Variants in FAR1 observed in about 807,000 individuals in gnomAD.
FAR1 encodes the protein fatty acyl-CoA reductase 1, also known as male sterility domain-containing protein 2.
Under a neutral mutation model 61.1 loss-of-function variants are expected in FAR1, and 22 were observed. The ratio of observed to expected loss-of-function variants is 0.36; its 90% CI spans 0.26 to 0.51. The LOEUF is 0.51. Ranked by LOEUF, FAR1 falls within the 20% of genes least tolerant of loss-of-function variation. The pLI, the probability that FAR1 is intolerant of heterozygous loss-of-function variation, is 0.95. For missense variants in FAR1, 359 were observed against 626.9 expected (o/e 0.57, Z 4.56); for synonymous variants, 206 against 209.7 (o/e 0.98, Z 0.15).
chr11:13,684,670 A>G (rs1175838967), intron 1 of FAR1, among the ~76,000 whole-genome samples: 2 of 152,216 alleles, frequency 1.3e-5, no homozygotes, highest in Non-Finnish European at 1.5e-5. Flanking sequence ...GCTTGTTTCT[A>G]TAAAGGGCCT....
intron 4 of FAR1, among the ~76,000 whole-genome samples, chr11:13,709,634 G>A (rs747805949): frequency 2.6e-5 from 4 of 151,768 alleles, no homozygotes; most frequent in African/African-American, 9.7e-5. Flanking sequence ...TTTTCCTCAT[G>A]TATCAACTAT....
intron 1 of FAR1, among the ~76,000 whole-genome samples, chr11:13,689,706 G>C (rs1161227860): frequency 6.6e-6 from 1 of 152,014 alleles, no homozygotes; most frequent in Non-Finnish European, 1.5e-5. Context: ...TTAGTGGGTA[G>C]TACCATCTCC....
intron 1 of FAR1, among the ~76,000 whole-genome samples, chr11:13,681,939 A>G (rs1468790063): frequency 6.6e-6 from 1 of 152,126 alleles, no homozygotes; most frequent in Non-Finnish European, 1.5e-5. Flanking sequence ...GTAGTGGGCA[A>G]GAGTTTCTCT....
intron 1 of FAR1, among the ~76,000 whole-genome samples, chr11:13,687,955 G>T (rs548249847): frequency 5.5e-5 from 7 of 127,538 alleles, no homozygotes; most frequent in Non-Finnish European, 1.1e-4. Context: ...GTTGTGGGGT[G>T]GGGGGAGGGG....
At position 13,727,900 on chromosome 11, in the gene FAR1, C is replaced by A. The variant is rs142292124; in HGVS notation, c.1385+217C>A. Among the ~76,000 whole-genome samples the A allele has an allele frequency of 6.5e-3, 988 of 151,880 alleles. 9 individuals carry two copies. The highest frequency in any genetic ancestry group is 0.022 in the African/African-American group (915 of 41,490). On this transcript the variant is annotated intron_variant, in intron 11 of 11. Transcript: ENST00000354817. The stretch of plus-strand genomic sequence containing the variant: ...CCCTCTCATGCCTCATAACTCTGTG[C>A]GACTTTGCAGGGCAGCCAGTTCTAT...
At chr11:13,704,616 G>T (rs1472620912) in intron 3 of FAR1, among the ~76,000 whole-genome samples, 1 of 152,092 alleles carries the variant, frequency 6.6e-6, no homozygotes, top group Non-Finnish European at 1.5e-5. Flanking sequence ...TGCCCCTTTA[G>T]AACCATTGCT....
intron 8 of FAR1, 104 bp from the exon 9 acceptor site, chr11:13,714,405 A>G: frequency 8.6e-7 from 1 of 1,160,118 alleles, no homozygotes; most frequent in Non-Finnish European, 1.2e-6. Flanking sequence ...ACGAACTCTG[A>G]CATCTTTGGT....
intron 4 of FAR1, among the ~76,000 whole-genome samples, chr11:13,710,425 G>A (rs1301656169): frequency 6.6e-6 from 1 of 151,980 alleles, no homozygotes; most frequent in South Asian, 2.1e-4. Flanking sequence ...ATAAGTCAGT[G>A]TAGATCAGAT....
chr11:13,715,329 C>T (rs1031797687), intron 9 of FAR1, among the ~76,000 whole-genome samples: 7 of 152,096 alleles, frequency 4.6e-5, no homozygotes, highest in Non-Finnish European at 8.8e-5. Context: ...TGGATCACAT[C>T]GTATTGGGTC....
At chr11:13,681,676 A>G (rs922877444) in intron 1 of FAR1, among the ~76,000 whole-genome samples, 4 of 152,230 alleles carry the variant, frequency 2.6e-5, no homozygotes, top group Admixed American at 2.6e-4. Context: ...CTCATGGGGA[A>G]AATCGAAGAG....
chr11:13,708,443 GCGCGCACACACACACACA>G (rs1261561542), intron 4 of FAR1, among the ~76,000 whole-genome samples: 2 of 84,394 alleles, frequency 2.4e-5, no homozygotes, highest in Non-Finnish European at 5.1e-5. Flanking sequence ...GTGCGCGCGC[GCGCGCACACACACACACA>G]CACACACACA....
At chr11:13,710,380 T>TA (rs1460675107) in intron 4 of FAR1, among the ~76,000 whole-genome samples, 1 of 152,010 alleles carries the variant, frequency 6.6e-6, no homozygotes, top group Non-Finnish European at 1.5e-5. Flanking sequence ...ACATGTAAAA[T>TA]ATATGAATGT....
chr11:13,692,191 C>CATG (rs1336725756), intron 1 of FAR1, among the ~76,000 whole-genome samples: 1 of 152,084 alleles, frequency 6.6e-6, no homozygotes, highest in Non-Finnish European at 1.5e-5. Context: ...TAAGCACCAA[C>CATG]ATGATGCTCA....
chr11:13,700,233 C>A, intron 2 of FAR1, 84 bp from the exon 3 acceptor site: 1 of 1,003,888 alleles, frequency 1.0e-6, no homozygotes, highest in Non-Finnish European at 1.5e-6. Flanking sequence ...AAATAGTCAT[C>A]CTTGGTGGGA....
At chr11:13,700,574 T>C (rs1848360473) in intron 3 of FAR1, 82 bp downstream of exon 3, 1 of 903,080 alleles carries the variant, frequency 1.1e-6, no homozygotes, top group Admixed American at 3.6e-5. Context: ...TTTAGTCAAT[T>C]TGTTTTGAAT....
chr11:13,719,076 C>A (rs1481626140), intron 9 of FAR1, among the ~76,000 whole-genome samples: 1 of 152,154 alleles, frequency 6.6e-6, no homozygotes, highest in African/African-American at 2.4e-5. Context: ...CCACCTCATT[C>A]TGTTGGTTCT....
chr11:13,700,210 TAA>T (rs1848354534), intron 2 of FAR1, 105 bp from the exon 3 acceptor site: 1 of 796,836 alleles, frequency 1.3e-6, no homozygotes, highest in Admixed American at 3.3e-5. Flanking sequence ...TTGTATAGTT[TAA>T]GTTTCTAAAA....
At chr11:13,725,622 A>G (rs559748477) in intron 10 of FAR1, among the ~76,000 whole-genome samples, 22 of 152,164 alleles carry the variant, frequency 1.4e-4, no homozygotes, top group South Asian at 8.3e-4. Context: ...GACTTGGACA[A>G]TGTACTCTAG....
In FAR1 at chr11:13,700,300, T is replaced by C. The variant is rs747024417; in HGVS notation, c.190-17T>C. 6.5e-7 allele frequency: 1 copy of C among 1,531,934 alleles called. No homozygotes were observed. Among genetic ancestry groups the C allele is most frequent in the South Asian group, 1.3e-5 (1 of 78,832 alleles). 94.9% of individuals were successfully genotyped at this position (1,531,934 alleles called of 1,614,324 possible). A position where few individuals can be genotyped will look rare whatever the true frequency, so the allele number is the denominator to read the frequency against. On this transcript the variant is annotated splice_polypyrimidine_tract_variant and intron_variant, in intron 2 of 11. Coordinates refer to ENST00000354817, the MANE Select transcript of FAR1 (RefSeq NM_032228.6). ...GAAAAATACTGCTGTAAAATAAATA[T>C]TTTTCCCTCTTGATAGCTTTTTGAC...
Sources: gnomAD v4.1 joint callset for allele counts (sites outside exome capture counted in the v4.1 genomes callset) on GRCh38, gnomAD v4.1.1 for gene constraint, MANE v1.5 for transcripts, NCBI Gene and HGNC (gene_info 2026-07-23, HGNC 2026-07-21) for gene names.